Variants in SPAG16 observed in about 807,000 individuals in gnomAD.
SPAG16 encodes the protein sperm-associated antigen 16 protein.
SPAG16 carries 86 observed loss-of-function variants against 80.4 expected under a neutral mutation model. That is an observed-to-expected ratio of 1.07 (90% CI 0.90 to 1.28). The LOEUF is 1.28. SPAG16 is among the 50% of genes most tolerant of loss of function. The pLI, the probability that SPAG16 is intolerant of heterozygous loss-of-function variation, is 0.00. For missense variants in SPAG16, 870 were observed against 765.3 expected, an observed-to-expected ratio of 1.14 and a Z score of -1.61; for synonymous variants, 294 against 265.9, an observed-to-expected ratio of 1.11 and a Z score of -1.03.
At chr2:214,379,970 G>A (rs1016090826) in intron 15 of SPAG16, among the ~76,000 whole-genome samples, 1 of 152,106 alleles carries the variant, frequency 6.6e-6, no homozygotes, top group African/African-American at 2.4e-5. Flanking sequence ...AGACTTAATG[G>A]ACATAAATAA....
intron 4 of SPAG16, among the ~76,000 whole-genome samples, chr2:213,310,865 AT>A (rs1166237527): frequency 6.6e-6 from 1 of 151,854 alleles, no homozygotes; most frequent in Non-Finnish European, 1.5e-5. Context: ...ATGAAAATGT[AT>A]TTGAACTTTA....
intron 15 of SPAG16, among the ~76,000 whole-genome samples, chr2:214,245,024 T>C (rs1434092252): frequency 1.3e-5 from 2 of 152,174 alleles, no homozygotes; most frequent in Admixed American, 6.6e-5. Flanking sequence ...CCTAGAACCA[T>C]TGGTTGCTGT....
At chr2:213,897,893 A>G (rs548096764) in intron 11 of SPAG16, among the ~76,000 whole-genome samples, 5 of 152,288 alleles carry the variant, frequency 3.3e-5, no homozygotes. Flanking sequence ...TCATCCTCCT[A>G]TAAAAAGGAT....
intron 10 of SPAG16, among the ~76,000 whole-genome samples, chr2:213,699,032 G>T (rs889469473): frequency 6.6e-6 from 1 of 152,104 alleles, no homozygotes; most frequent in Middle Eastern, 3.2e-3. Flanking sequence ...GTTTCTGCTG[G>T]TAATTCTACC....
chr2:214,162,375 A>T (rs979088028), intron 15 of SPAG16, among the ~76,000 whole-genome samples: 4 of 152,166 alleles, frequency 2.6e-5, no homozygotes, highest in African/African-American at 9.6e-5. Flanking sequence ...TAAACCAAGT[A>T]CAAAACCACT....
chr2:213,395,073 A>C (rs899840053), intron 9 of SPAG16, among the ~76,000 whole-genome samples: 2 of 152,000 alleles, frequency 1.3e-5, no homozygotes, highest in African/African-American at 4.8e-5. Flanking sequence ...TAGTGATACC[A>C]CTGTTTTATT....
chr2:213,543,106 G>A (rs1191923764), intron 10 of SPAG16, among the ~76,000 whole-genome samples: 2 of 151,912 alleles, frequency 1.3e-5, no homozygotes, highest in African/African-American at 2.4e-5. Flanking sequence ...CAATTTTATG[G>A]TCAATAAACA....
chr2:213,292,827 C>T (rs74415024), intron 1 of SPAG16, among the ~76,000 whole-genome samples: 8,937 of 151,834 alleles, frequency 0.059, 877 homozygotes, highest in African/African-American at 0.2. Flanking sequence ...ATACTCATCT[C>T]TTTCCAGAGT....
intron 5 of SPAG16, among the ~76,000 whole-genome samples, chr2:213,335,900 A>G (rs1379491840): frequency 6.6e-6 from 1 of 152,042 alleles, no homozygotes; most frequent in African/African-American, 2.4e-5. Flanking sequence ...TTAGGGGGTG[A>G]GAGTAGCCAA....
At chr2:214,362,631 C>T (rs1699253245) in intron 15 of SPAG16, among the ~76,000 whole-genome samples, 1 of 151,838 alleles carries the variant, frequency 6.6e-6, no homozygotes, top group East Asian at 1.9e-4. Flanking sequence ...CATTACATAA[C>T]AAATATATGT....
rs146829337 is a variant in SPAG16, at chr2:213,437,397, C to T, written c.943-52566C>T. Among the ~76,000 whole-genome samples, 4 of 152,214 alleles carry T rather than the reference C, an allele frequency of 2.6e-5. No individual in the cohort carries two copies. The East Asian group carries it at 5.8e-4, about 22-fold the overall frequency. ...ACTTTTAACGGGTTAAATAATGAAACGGCTTCAAAGCATTTAGTCAGGTGC... is the reference window on the plus strand; with the variant it reads ...ACTTTTAACGGGTTAAATAATGAAATGGCTTCAAAGCATTTAGTCAGGTGC... On this transcript the variant is annotated intron_variant, in intron 9 of 15. Coordinates refer to ENST00000331683, the MANE Select transcript of SPAG16 (RefSeq NM_024532.5).
intron 5 of SPAG16, among the ~76,000 whole-genome samples, chr2:213,332,727 A>G (rs898728704): frequency 6.6e-6 from 1 of 152,222 alleles, no homozygotes; most frequent in African/African-American, 2.4e-5. Flanking sequence ...AACATATGCA[A>G]GTTAATCAGT....
At chr2:214,053,598 G>C (rs1321066047) in intron 13 of SPAG16, among the ~76,000 whole-genome samples, 1 of 152,152 alleles carries the variant, frequency 6.6e-6, no homozygotes, top group East Asian at 1.9e-4. Flanking sequence ...TTCATACCTA[G>C]AAAAATGGTT....
chr2:213,714,971 T>C (rs1420371555), intron 10 of SPAG16, among the ~76,000 whole-genome samples: 2 of 152,188 alleles, frequency 1.3e-5, no homozygotes, highest in African/African-American at 4.8e-5. Context: ...CTTTGTTCAA[T>C]GTACTGATTG....
chr2:214,052,623 A>G (rs533928043), intron 13 of SPAG16, among the ~76,000 whole-genome samples: 1 of 152,288 alleles, frequency 6.6e-6, no homozygotes, highest in African/African-American at 2.4e-5. Context: ...TATAAGAATA[A>G]TAATATAAAC....
chr2:214,273,900 T>G (rs1692234137), intron 15 of SPAG16, among the ~76,000 whole-genome samples: 1 of 152,220 alleles, frequency 6.6e-6, no homozygotes, highest in Non-Finnish European at 1.5e-5. Flanking sequence ...ATGGCCATTT[T>G]CACGATATTG....
intron 10 of SPAG16, among the ~76,000 whole-genome samples, chr2:213,856,799 T>G (rs947863110): frequency 1.3e-5 from 2 of 151,894 alleles, no homozygotes; most frequent in Non-Finnish European, 2.9e-5. Context: ...CATGAAACCA[T>G]TTTTTCATTT....
chr2:213,565,900 T>C (rs1259419144), intron 10 of SPAG16, among the ~76,000 whole-genome samples: 2 of 152,264 alleles, frequency 1.3e-5, no homozygotes, highest in African/African-American at 2.4e-5. Flanking sequence ...TTTGGTAGAA[T>C]AGAAGGCAAG....
chr2:214,104,261 C>G (rs2053249744), intron 13 of SPAG16, among the ~76,000 whole-genome samples: 1 of 152,166 alleles, frequency 6.6e-6, no homozygotes, highest in African/African-American at 2.4e-5. Flanking sequence ...GATACAGAGA[C>G]AAGAGCCGAA....
Sources: gnomAD v4.1 joint callset for allele counts (sites outside exome capture counted in the v4.1 genomes callset) on GRCh38, gnomAD v4.1.1 for gene constraint, MANE v1.5 for transcripts, NCBI Gene and HGNC (gene_info 2026-07-23, HGNC 2026-07-21) for gene names.